ARHGEF12: variants seen among roughly 807,000 people sequenced by gnomAD.
ARHGEF12 encodes the protein KMT2A/ARHGEF12 fusion protein.
Under a neutral mutation model 211.2 loss-of-function variants are expected in ARHGEF12, and 66 were observed. The ratio of observed to expected loss-of-function variants is 0.31; its 90% CI spans 0.26 to 0.38. The LOEUF (loss-of-function observed/expected upper bound fraction) is 0.38, where lower values mean the gene tolerates loss of function less well. Ranked by LOEUF, ARHGEF12 falls within the 10% of genes least tolerant of loss-of-function variation. The pLI, the probability that ARHGEF12 is intolerant of heterozygous loss-of-function variation, is 1.00. For synonymous variants in ARHGEF12, 592 were observed against 638.4 expected, an observed-to-expected ratio of 0.93 and a Z score of 1.09; for missense variants, 1,429 against 1,869.5, an observed-to-expected ratio of 0.76 and a Z score of 4.34.
chr11:120,445,593 A>G, intron 16 of ARHGEF12, 129 bp downstream of exon 16: 3 of 978,562 alleles, frequency 3.1e-6, no homozygotes, highest in Admixed American at 1.8e-5. Flanking sequence ...AAGACAGTCT[A>G]TAATACATTT....
chr11:120,477,532 C>T lies in ARHGEF12; in HGVS notation c.3532+6C>T, dbSNP rs1947083026. 29 of 1,609,894 alleles carry T rather than the reference C, an allele frequency of 1.8e-5. No individual in the cohort carries two copies. The highest frequency in any genetic ancestry group is 2.5e-5 in the Non-Finnish European group (29 of 1,178,758). On this transcript the variant is annotated splice_donor_region_variant and intron_variant, in intron 36 of 40. Coordinates refer to ENST00000397843, the MANE Select transcript of ARHGEF12 (RefSeq NM_015313.3). ...CACTGGTTTGCAGAGTCCAGGTACA[C>T]TCTTCTGAAGAGTTCAATGGAGAAT...
intron 1 of ARHGEF12, among the ~76,000 whole-genome samples, chr11:120,403,412 CAGG>C (rs374308015): frequency 3.0e-3 from 459 of 151,776 alleles, no homozygotes; most frequent in African/African-American, 0.01. Context: ...GAGGCTGAGG[CAGG>C]AGAAGTGTTT....
At chr11:120,429,880 C>T in intron 10 of ARHGEF12, 49 bp downstream of exon 10, 1 of 1,572,294 alleles carries the variant, frequency 6.4e-7, no homozygotes, top group Non-Finnish European at 8.6e-7. Context: ...GGAGAATTTT[C>T]TTCTGGGAAT....
chr11:120,344,495 G>A (rs1942642552), intron 1 of ARHGEF12, among the ~76,000 whole-genome samples: 1 of 152,104 alleles, frequency 6.6e-6, no homozygotes, highest in African/African-American at 2.4e-5. Flanking sequence ...AAGCCGATAT[G>A]TTGTGGTTTG....
chr11:120,460,954 A>C (rs922997398), intron 27 of ARHGEF12, among the ~76,000 whole-genome samples, 197 bp downstream of exon 27: 3 of 152,200 alleles, frequency 2.0e-5, no homozygotes, highest in Non-Finnish European at 4.4e-5. Context: ...ACCCTTATCC[A>C]TTAAAAGTCA....
intron 1 of ARHGEF12, among the ~76,000 whole-genome samples, chr11:120,403,446 A>T (rs1370389302): frequency 6.6e-6 from 1 of 151,836 alleles, no homozygotes; most frequent in African/African-American, 2.4e-5. Flanking sequence ...GGTGGAGGTT[A>T]CAGTGAGCTG....
intron 11 of ARHGEF12, among the ~76,000 whole-genome samples, chr11:120,435,731 T>G (rs1374571062): frequency 6.6e-6 from 1 of 151,892 alleles, no homozygotes; most frequent in Admixed American, 6.6e-5. Context: ...TTAGCCAGGA[T>G]GGTCTCGATC....
At chr11:120,446,072 C>A (rs1946036920) in intron 16 of ARHGEF12, among the ~76,000 whole-genome samples, 2 of 151,558 alleles carry the variant, frequency 1.3e-5, no homozygotes, top group Non-Finnish European at 2.9e-5. Flanking sequence ...GTGGCGGGCG[C>A]CTGTTGTCTC....
chr11:120,440,765 C>G (rs1223756292), intron 13 of ARHGEF12, among the ~76,000 whole-genome samples: 1 of 152,118 alleles, frequency 6.6e-6, no homozygotes, highest in Non-Finnish European at 1.5e-5. Flanking sequence ...ACATGCTTGC[C>G]TTATTCCTGC....
At chr11:120,453,741 A>G (rs977029661) in intron 22 of ARHGEF12, among the ~76,000 whole-genome samples, 4 of 152,158 alleles carry the variant, frequency 2.6e-5, no homozygotes, top group Non-Finnish European at 4.4e-5. Context: ...ACAGAGAACC[A>G]CAAGATAAAA....
At chr11:120,346,190 A>G (rs1942714269) in intron 1 of ARHGEF12, among the ~76,000 whole-genome samples, 1 of 152,222 alleles carries the variant, frequency 6.6e-6, no homozygotes, top group Non-Finnish European at 1.5e-5. Flanking sequence ...ACTCCATAAT[A>G]AGTGTATCTG....
intron 7 of ARHGEF12, among the ~76,000 whole-genome samples, chr11:120,426,067 A>G (rs947481929): frequency 2.0e-5 from 3 of 152,324 alleles, no homozygotes; most frequent in Admixed American, 6.5e-5. Flanking sequence ...CAGTGCTCCA[A>G]ATGGTCACTT....
At chr11:120,353,825 CA>C (rs1943060165) in intron 1 of ARHGEF12, among the ~76,000 whole-genome samples, 3 of 152,304 alleles carry the variant, frequency 2.0e-5, no homozygotes, top group South Asian at 4.1e-4. Flanking sequence ...CCCTTCTGAA[CA>C]CTGTTATCTG....
Position 120,436,823 on chromosome 11 carries a change from T to C in ARHGEF12, c.925-485T>C, listed in dbSNP as rs12421477. 2.7e-3 allele frequency among the ~76,000 whole-genome samples: 411 copies of C among 152,312 alleles called. 6 individuals carry two copies. The highest frequency in any genetic ancestry group is 0.02 in the Admixed American group (306 of 15,306). Reference sequence around the variant, plus strand: ...TCCCCCACAAACACTGAAGAACAACTGTATTAGGTATTATACAATACCATA... The same window carrying C: ...TCCCCCACAAACACTGAAGAACAACCGTATTAGGTATTATACAATACCATA... On this transcript the variant is annotated intron_variant, in intron 11 of 40. Transcript: ENST00000397843.
intron 36 of ARHGEF12, 115 bp from the exon 37 acceptor site, chr11:120,478,041 G>A: frequency 1.4e-6 from 1 of 709,320 alleles, no homozygotes; most frequent in Non-Finnish European, 2.3e-6. Context: ...CTTAACAGAT[G>A]ATCTCTGTAG....
In ARHGEF12 at chr11:120,460,777, CT is replaced by C. The variant is rs763304802; in HGVS notation, c.2613+25del. 65 of 1,594,800 alleles carry C rather than the reference CT, an allele frequency of 4.1e-5. No individual in the cohort carries two copies. In the South Asian group the frequency reaches 7.0e-4, roughly 17 times the overall value. On this transcript the variant is annotated intron_variant, in intron 27 of 40. Transcript: ENST00000397843. ...ACATGGGTAAGGAAATTTTCTGTTT[CT>C]TTTTAATATTTTTATGGACACTTGA...
chr11:120,477,099 GTTGTTGTTGTTGTTGTTGTT>G, intron 34 of ARHGEF12, 100 bp from the exon 35 acceptor site: 1 of 696,866 alleles, frequency 1.4e-6, no homozygotes, highest in Non-Finnish European at 2.5e-6. Context: ...TGTTGTTGTT[GTTGTTGTTGTTGTTGTTGTT>G]GGTTGATTTG....
Position 120,354,180 on chromosome 11 carries a change from G to A in ARHGEF12, c.32+16905G>A, listed in dbSNP as rs79523289. Reference sequence around the variant, plus strand: ...TCCTGTTTCACTATTCTCAAGAGCTGGGAGAGGCTTCTGAGAGAGAACCTG... The same window carrying A: ...TCCTGTTTCACTATTCTCAAGAGCTAGGAGAGGCTTCTGAGAGAGAACCTG... On this transcript the variant is annotated intron_variant, in intron 1 of 40. Transcript: ENST00000397843. Among the ~76,000 whole-genome samples, 1,270 of 152,222 alleles carry A rather than the reference G, an allele frequency of 8.3e-3. 85 individuals are homozygous for A. The South Asian group carries it at 0.16, about 19-fold the overall frequency.
chr11:120,351,455 ATTTTTTTT>A (rs1174506359), intron 1 of ARHGEF12, among the ~76,000 whole-genome samples: 58 of 5,700 alleles, frequency 0.01, no homozygotes, highest in Admixed American at 0.02. Flanking sequence ...ATATATATAT[ATTTTTTTT>A]TTTTTTTTTT....
Sources: gnomAD v4.1 joint callset for allele counts (sites outside exome capture counted in the v4.1 genomes callset) on GRCh38, gnomAD v4.1.1 for gene constraint, MANE v1.5 for transcripts, NCBI Gene and HGNC (gene_info 2026-07-23, HGNC 2026-07-21) for gene names.